ASIC2: variants seen among roughly 807,000 people sequenced by gnomAD.
The protein encoded by ASIC2 is acid sensing ion channel subunit 2, also known as acid-sensing ion channel 2.
A neutral mutation model predicts 57.3 loss-of-function variants in ASIC2; 25 were observed. The observed-to-expected ratio is 0.44, with a 90% CI of 0.32 to 0.61. The LOEUF is 0.61. Ranked by LOEUF, ASIC2 falls within the 20% of genes least tolerant of loss-of-function variation. The pLI, the probability that ASIC2 is intolerant of heterozygous loss-of-function variation, is 0.06. For missense variants in ASIC2, 641 were observed against 738.1 expected, an observed-to-expected ratio of 0.87 and a Z score of 1.52; for synonymous variants, 319 against 307.5, an observed-to-expected ratio of 1.04 and a Z score of -0.39.
intron 1 of ASIC2, among the ~76,000 whole-genome samples, chr17:33,175,948 C>T (rs1414826476): frequency 2.0e-5 from 3 of 152,222 alleles, no homozygotes; most frequent in Admixed American, 6.5e-5. Context: ...CTGGACATCC[C>T]TCTACAGTCC....
At chr17:33,775,899 G>A (rs567750131) in intron 1 of ASIC2, among the ~76,000 whole-genome samples, 15 of 152,216 alleles carry the variant, frequency 9.9e-5, no homozygotes, top group African/African-American at 2.6e-4. Context: ...TTGGGAGGCC[G>A]AGGAGGGTGG....
intron 1 of ASIC2, among the ~76,000 whole-genome samples, chr17:33,709,813 T>C (rs1908972027): frequency 6.6e-6 from 1 of 152,244 alleles, no homozygotes; most frequent in Non-Finnish European, 1.5e-5. Context: ...GCCACTTACT[T>C]TGTGCTTTTA....
chr17:33,887,444 A>G (rs1424078076), intron 1 of ASIC2, among the ~76,000 whole-genome samples: 1 of 152,156 alleles, frequency 6.6e-6, no homozygotes, highest in Non-Finnish European at 1.5e-5. Flanking sequence ...TGGAGGATAT[A>G]CATGCAGGAG....
intron 1 of ASIC2, among the ~76,000 whole-genome samples, chr17:34,048,073 T>A (rs1469135346): frequency 6.6e-6 from 1 of 152,182 alleles, no homozygotes; most frequent in Non-Finnish European, 1.5e-5. Context: ...GGAGAGATTT[T>A]TCTTCTAGTG....
chr17:33,925,805 C>T (rs1025241190), intron 1 of ASIC2, among the ~76,000 whole-genome samples: 1 of 152,228 alleles, frequency 6.6e-6, no homozygotes, highest in African/African-American at 2.4e-5. Context: ...ATTGACAGCA[C>T]TGTCACTCCC....
chr17:34,019,402 T>C (rs531954814), intron 1 of ASIC2, among the ~76,000 whole-genome samples: 15 of 152,320 alleles, frequency 9.8e-5, no homozygotes, highest in African/African-American at 3.6e-4. Context: ...AAATCTTTCA[T>C]GAAAACAAGA....
At chr17:34,137,253 G>A (rs1266890346) in intron 1 of ASIC2, among the ~76,000 whole-genome samples, 1 of 152,210 alleles carries the variant, frequency 6.6e-6, no homozygotes, top group Non-Finnish European at 1.5e-5. Flanking sequence ...GAATGAATAA[G>A]TGGACATCAG....
chr17:33,386,364 C>T (rs1190321275), intron 1 of ASIC2, among the ~76,000 whole-genome samples: 1 of 152,186 alleles, frequency 6.6e-6, no homozygotes, highest in African/African-American at 2.4e-5. Flanking sequence ...CTATATTCCA[C>T]CTCTCTTACC....
At chr17:33,589,403 T>C (rs1904755336) in intron 1 of ASIC2, among the ~76,000 whole-genome samples, 1 of 152,194 alleles carries the variant, frequency 6.6e-6, no homozygotes, top group African/African-American at 2.4e-5. Flanking sequence ...TTCTTATGTG[T>C]ATCATTCAGA....
intron 1 of ASIC2, among the ~76,000 whole-genome samples, chr17:33,723,981 C>G (rs1049442298): frequency 6.6e-6 from 1 of 152,194 alleles, no homozygotes; most frequent in Non-Finnish European, 1.5e-5. Flanking sequence ...TGTTCCCACC[C>G]AAATTGCATC....
intron 1 of ASIC2, among the ~76,000 whole-genome samples, chr17:33,433,547 G>A (rs1318139526): frequency 6.6e-6 from 1 of 152,182 alleles, no homozygotes; most frequent in Non-Finnish European, 1.5e-5. Context: ...CTTGAGGTCA[G>A]GAGTTCAAGA....
intron 1 of ASIC2, among the ~76,000 whole-genome samples, chr17:33,397,392 T>C (rs894478072): frequency 6.6e-6 from 1 of 152,200 alleles, no homozygotes; most frequent in Non-Finnish European, 1.5e-5. Context: ...TGAGCTCCTT[T>C]GGTAGAAGTC....
At chr17:33,886,128 T>C (rs1008500408) in intron 1 of ASIC2, among the ~76,000 whole-genome samples, 1 of 152,230 alleles carries the variant, frequency 6.6e-6, no homozygotes, top group Non-Finnish European at 1.5e-5. Context: ...AAGACCTATT[T>C]CTCACTTATT....
At chr17:33,328,115 T>C (rs867174249) in intron 1 of ASIC2, among the ~76,000 whole-genome samples, 25 of 146,962 alleles carry the variant, frequency 1.7e-4, no homozygotes, top group African/African-American at 5.0e-4. Flanking sequence ...GCCATTTGTT[T>C]TAAGTCACTC....
chr17:33,195,559 T>C (rs1330004014), intron 1 of ASIC2, among the ~76,000 whole-genome samples: 1 of 152,258 alleles, frequency 6.6e-6, no homozygotes, highest in Admixed American at 6.5e-5. Flanking sequence ...AAATGGTTAC[T>C]GGCCATCAAC....
chr17:33,204,575 T>C (rs1679149296), intron 1 of ASIC2, among the ~76,000 whole-genome samples: 1 of 152,212 alleles, frequency 6.6e-6, no homozygotes, highest in Non-Finnish European at 1.5e-5. Flanking sequence ...AAGTTGACTC[T>C]ACCCAGACTC....
chr17:33,147,734 C>A (rs1272458000), intron 1 of ASIC2, among the ~76,000 whole-genome samples: 1 of 152,204 alleles, frequency 6.6e-6, no homozygotes, highest in Non-Finnish European at 1.5e-5. Context: ...AACTTAGACT[C>A]AGCTGGCATG....
intron 1 of ASIC2, among the ~76,000 whole-genome samples, chr17:33,740,918 G>C (rs1448651233): frequency 6.6e-6 from 1 of 152,182 alleles, no homozygotes; most frequent in Non-Finnish European, 1.5e-5. Context: ...CAGGGTTATA[G>C]TAAGGGGCAA....
intron 1 of ASIC2, among the ~76,000 whole-genome samples, chr17:33,300,673 A>G (rs748830854): frequency 1.3e-5 from 2 of 152,254 alleles, no homozygotes; most frequent in Non-Finnish European, 2.9e-5. Flanking sequence ...TCCTAAGCAC[A>G]CAGCTCTTCT....
Sources: gnomAD v4.1 joint callset for allele counts (sites outside exome capture counted in the v4.1 genomes callset) on GRCh38, gnomAD v4.1.1 for gene constraint, MANE v1.5 for transcripts, NCBI Gene and HGNC (gene_info 2026-07-23, HGNC 2026-07-21) for gene names.